The following ZCCHC2 variants were observed in gnomAD, a reference collection of about 807,000 sequenced individuals.
ZCCHC2 encodes zinc finger CCHC domain-containing protein 2.
A neutral mutation model predicts 103.6 loss-of-function variants in ZCCHC2; 39 were observed. The ratio of observed to expected loss-of-function variants is 0.38; its 90% confidence interval spans 0.29 to 0.49. The LOEUF (loss-of-function observed/expected upper bound fraction) is 0.49, where lower values mean the gene tolerates loss of function less well. ZCCHC2 is among the 20% of genes least tolerant of loss of function. The pLI, the probability that ZCCHC2 is intolerant of heterozygous loss-of-function variation, is 0.96. For missense variants in ZCCHC2, 1,483 were observed against 1,491.0 expected, an observed-to-expected ratio of 0.99 and a Z score of 0.09; for synonymous variants, 687 against 608.9, an observed-to-expected ratio of 1.13 and a Z score of -1.89.
intron 1 of ZCCHC2, among the ~76,000 whole-genome samples, chr18:62,530,884 T>C (rs1350258669): frequency 6.6e-6 from 1 of 152,256 alleles, no homozygotes; most frequent in Non-Finnish European, 1.5e-5. Flanking sequence ...TAGAAAACTA[T>C]TCTATAACTT....
intron 12 of ZCCHC2, 101 bp from the exon 13 acceptor site, chr18:62,573,956 T>C: frequency 7.9e-7 from 1 of 1,269,606 alleles, no homozygotes; most frequent in Middle Eastern, 2.5e-4. Flanking sequence ...AGGGACACTT[T>C]CCAAACTTGA....
intron 3 of ZCCHC2, among the ~76,000 whole-genome samples, chr18:62,544,437 G>T (rs1241143484): frequency 6.6e-6 from 1 of 152,162 alleles, no homozygotes; most frequent in Non-Finnish European, 1.5e-5. Context: ...TCAGGAGATA[G>T]AATTTTTATC....
intron 4 of ZCCHC2, among the ~76,000 whole-genome samples, chr18:62,546,825 C>A (rs1209398280): frequency 6.6e-6 from 1 of 152,194 alleles, no homozygotes. Context: ...ATAAGTAATT[C>A]ACTCTTCAGA....
chr18:62,575,816 G>A (rs1353121237), intron 13 of ZCCHC2, among the ~76,000 whole-genome samples: 2 of 151,870 alleles, frequency 1.3e-5, no homozygotes, highest in Non-Finnish European at 2.9e-5. Flanking sequence ...ATGGGAATTT[G>A]CATTCTGTAA....
chr18:62,539,666 C>G lies in ZCCHC2; in HGVS notation c.940-15C>G, dbSNP rs756357381. 9 of 1,563,054 alleles carry G rather than the reference C, an allele frequency of 5.8e-6. No individual in the cohort carries two copies. In the South Asian group the frequency reaches 5.9e-5, roughly 10 times the overall value. On this transcript the variant is annotated splice_polypyrimidine_tract_variant and intron_variant, in intron 1 of 13. Coordinates refer to ENST00000269499, the MANE Select transcript of ZCCHC2 (RefSeq NM_017742.6). ...CCATGGTTTAAGTTAACGTATCTCC[C>G]TCTTTCTCATCTAGAACAACTCTGC...
At chr18:62,527,313 T>C (rs886770415) in intron 1 of ZCCHC2, among the ~76,000 whole-genome samples, 2 of 152,150 alleles carry the variant, frequency 1.3e-5, no homozygotes, top group Non-Finnish European at 2.9e-5. Context: ...AACATGTCTT[T>C]AATGCCAATT....
At chr18:62,549,183 C>T (rs570415468) in intron 4 of ZCCHC2, among the ~76,000 whole-genome samples, 263 of 151,814 alleles carry the variant, frequency 1.7e-3, no homozygotes, top group African/African-American at 5.7e-3. Context: ...CGCGCCACTG[C>T]GCTCCAGCCT....
At chr18:62,525,717 T>G (rs1914355905) in intron 1 of ZCCHC2, among the ~76,000 whole-genome samples, 1 of 152,098 alleles carries the variant, frequency 6.6e-6, no homozygotes, top group Non-Finnish European at 1.5e-5. Flanking sequence ...CAAACTCAGA[T>G]GTAACGCTCT....
chr18:62,546,382 A>C (rs1188511492), intron 4 of ZCCHC2, among the ~76,000 whole-genome samples: 1 of 152,194 alleles, frequency 6.6e-6, no homozygotes, highest in Admixed American at 6.5e-5. Flanking sequence ...ACCGCCACAC[A>C]CTTTTACAAG....
Position 62,524,174 on chromosome 18 carries a change from G to T in ZCCHC2, c.750G>T (p.Gly250=), listed in dbSNP as rs767165595. Residue 250 remains glycine (G), a synonymous_variant, in exon 1 of 14, where the codon GGG becomes GGT. Transcript: ENST00000269499. The part of the protein sequence containing the change: ...GGIVEPRVGG[G]LGSRAQEELL... ...TTGTGGAGCCCCGGGTCGGCGGCGG[G>T]CTTGGCTCCAGGGCCCAGGAGGAAC... is the stretch of plus-strand genomic sequence containing the variant. 68 of 1,547,382 alleles carry T rather than the reference G, an allele frequency of 4.4e-5. No individual in the cohort carries two copies. The East Asian group carries it at 1.7e-3, about 38-fold the overall frequency.
At chr18:62,542,667 G>A (rs563296924) in intron 3 of ZCCHC2, 93 bp downstream of exon 3, 63 of 1,060,300 alleles carry the variant, frequency 5.9e-5, no homozygotes, top group Non-Finnish European at 7.1e-5. Context: ...AAGGGAAAAG[G>A]TATATATGTT....
At chr18:62,532,508 A>G (rs1914729810) in intron 1 of ZCCHC2, among the ~76,000 whole-genome samples, 1 of 152,182 alleles carries the variant, frequency 6.6e-6, no homozygotes, top group Non-Finnish European at 1.5e-5. Context: ...TGAGTGACTG[A>G]TGGACCCTGG....
chr18:62,541,467 C>T lies in ZCCHC2; in HGVS notation c.1052-1031C>T, dbSNP rs374382384. On this transcript the variant is annotated intron_variant, in intron 2 of 13. Coordinates refer to ENST00000269499, the MANE Select transcript of ZCCHC2 (RefSeq NM_017742.6). ...TGCTTTTGTCACTTTGTGTATTCCA[C>T]TTTGTCTATTTTAACTTCTTCCTCT... Among the ~76,000 whole-genome samples, 57 of 152,228 alleles carry T rather than the reference C, an allele frequency of 3.7e-4. 1 individual carries two copies. The South Asian group carries it at 9.5e-3, about 25-fold the overall frequency.
At chr18:62,542,667 G>T in intron 3 of ZCCHC2, 93 bp downstream of exon 3, 1 of 1,060,420 alleles carries the variant, frequency 9.4e-7, no homozygotes, top group African/African-American at 1.6e-5. Flanking sequence ...AAGGGAAAAG[G>T]TATATATGTT....
chr18:62,535,059 T>C (rs977942872), intron 1 of ZCCHC2, among the ~76,000 whole-genome samples: 12 of 152,236 alleles, frequency 7.9e-5, no homozygotes, highest in African/African-American at 2.7e-4. Context: ...TTCCAGCTTC[T>C]GAGCCCAGGC....
chr18:62,530,163 T>C (rs1233488690), intron 1 of ZCCHC2, among the ~76,000 whole-genome samples: 1 of 152,154 alleles, frequency 6.6e-6, no homozygotes, highest in Non-Finnish European at 1.5e-5. Context: ...GCCTTAATAA[T>C]TTTTTTGTGT....
At chr18:62,535,934 T>C (rs749815622) in intron 1 of ZCCHC2, among the ~76,000 whole-genome samples, 2 of 152,258 alleles carry the variant, frequency 1.3e-5, no homozygotes, top group African/African-American at 4.8e-5. Flanking sequence ...AAAAAACTCT[T>C]ACTGCTGTGT....
intron 1 of ZCCHC2, chr18:62,525,188 A>G (rs1211178935): frequency 6.6e-6 from 1 of 152,244 alleles, no homozygotes. Context: ...ATGTTGCCCA[A>G]AAGAATCACT....
At position 62,575,058 on chromosome 18, in the gene ZCCHC2, G is replaced by A. The variant is rs752632550; in HGVS notation, c.2977G>A (p.Gly993Arg). The change falls in exon 13 of 14, where the codon GGG becomes AGG. Residue 993 changes from glycine (G) to arginine (R), a missense_variant. Transcript: ENST00000269499. ...SDSTSYISAV[G>R]NTNANGTVVP... The stretch of plus-strand genomic sequence containing the variant: ...CAGCACCTCTTACATCAGTGCTGTG[G>A]GGAACACGAACGCTAATGGGACAGT... 5.6e-6 allele frequency: 9 copies of A among 1,613,870 alleles called. No individual in the cohort carries two copies. Among genetic ancestry groups the A allele is most frequent in the Admixed American group, 1.7e-5 (1 of 59,998 alleles).
Sources: gnomAD v4.1 joint callset for allele counts (sites outside exome capture counted in the v4.1 genomes callset) on GRCh38, gnomAD v4.1.1 for gene constraint, MANE v1.5 for transcripts, NCBI Gene and HGNC (gene_info 2026-07-23, HGNC 2026-07-21) for gene names.